Variants in SHISA9 observed in about 807,000 individuals in gnomAD.
SHISA9 encodes protein shisa-9.
Under a neutral mutation model 38.0 loss-of-function variants are expected in SHISA9, and 13 were observed. The ratio of observed to expected loss-of-function variants is 0.34; its 90% CI spans 0.22 to 0.54. SHISA9 has a LOEUF of 0.54. SHISA9 is among the 20% of genes least tolerant of loss of function. The probability of loss-of-function intolerance (pLI) is 0.91; values close to 1 mark genes in which losing one functional copy is unlikely to be tolerated. For synonymous variants in SHISA9, 275 were observed against 242.0 expected (o/e 1.14, Z -1.27); for missense variants, 538 against 575.8 (o/e 0.93, Z 0.67).
intron 2 of SHISA9, among the ~76,000 whole-genome samples, chr16:13,189,546 C>A (rs915500711): frequency 6.6e-6 from 1 of 152,134 alleles, no homozygotes; most frequent in African/African-American, 2.4e-5. Flanking sequence ...AAAGTTTTTA[C>A]GTGGTTAATG....
chr16:13,302,952 T>C, the SHISA9 span, among the ~76,000 whole-genome samples: 2 of 152,162 alleles, frequency 1.3e-5, no homozygotes, highest in Admixed American at 6.5e-5. Flanking sequence ...AAGACGTGTA[T>C]AATTATAAGT....
At chr16:13,180,856 C>T (rs1402685949) in intron 2 of SHISA9, among the ~76,000 whole-genome samples, 1 of 152,156 alleles carries the variant, frequency 6.6e-6, no homozygotes, top group Non-Finnish European at 1.5e-5. Context: ...GGGGGACAGT[C>T]TCCTTTCCAG....
chr16:12,977,477 A>G (rs1363482173), intron 2 of SHISA9, among the ~76,000 whole-genome samples: 3 of 152,200 alleles, frequency 2.0e-5, no homozygotes, highest in Admixed American at 6.5e-5. Flanking sequence ...TATATACCCA[A>G]AGGAATAGAA....
At chr16:13,107,011 G>A (rs2073932043) in intron 2 of SHISA9, among the ~76,000 whole-genome samples, 1 of 150,056 alleles carries the variant, frequency 6.7e-6, no homozygotes, top group Non-Finnish European at 1.5e-5. Context: ...TCTGCTTTGA[G>A]CTAGCTGAAG....
Position 13,178,596 on chromosome 16 carries a change from A to C in SHISA9, c.692-24798A>C, listed in dbSNP as rs557533615. Among the ~76,000 whole-genome samples, 206 of 152,218 alleles carry C rather than the reference A, an allele frequency of 1.4e-3. 1 individual carries two copies. Among genetic ancestry groups the C allele is most frequent in the Non-Finnish European group, 1.2e-3 (81 of 68,016 alleles). On this transcript the variant is annotated intron_variant, in intron 2 of 4. Transcript: ENST00000558583. The stretch of plus-strand genomic sequence containing the variant: ...AGTCATCTAGCTCCGAGATGCTGGG[A>C]GAGTCCTCCCCGTCCCCAGCAACAC...
the SHISA9 span, among the ~76,000 whole-genome samples, chr16:13,276,636 G>T: frequency 6.6e-6 from 1 of 152,016 alleles, no homozygotes; most frequent in African/African-American, 2.4e-5. Context: ...GTATCACACT[G>T]TGGTTTTGAT....
the SHISA9 span, among the ~76,000 whole-genome samples, chr16:13,449,173 A>G: frequency 6.6e-6 from 1 of 151,872 alleles, no homozygotes; most frequent in Non-Finnish European, 1.5e-5. Context: ...TGATTCCCTT[A>G]AAAAATAGAG....
chr16:13,516,131 C>T, the SHISA9 span, among the ~76,000 whole-genome samples: 20 of 152,316 alleles, frequency 1.3e-4, no homozygotes, highest in Admixed American at 3.9e-4. Flanking sequence ...GAGGAAGTGT[C>T]TCGTCCAAGC....
chr16:13,430,814 G>A, the SHISA9 span, among the ~76,000 whole-genome samples: 1 of 151,840 alleles, frequency 6.6e-6, no homozygotes, highest in Non-Finnish European at 1.5e-5. Flanking sequence ...AGCTACTTGG[G>A]AGGTCAAGGT....
At chr16:13,180,945 G>A (rs2050771625) in intron 2 of SHISA9, among the ~76,000 whole-genome samples, 1 of 152,208 alleles carries the variant, frequency 6.6e-6, no homozygotes, top group African/African-American at 2.4e-5. Context: ...CGTGCACTCA[G>A]TGTTAATTCA....
rs115280162 is a variant in SHISA9, at chr16:12,927,812, T to C, written c.691+10997T>C. ...CTGAACCACACCATGGAGGGAGTTA[T>C]CCAGTTCAAACCACCCAGCCAGAAA... On this transcript the variant is annotated intron_variant, in intron 2 of 4. Transcript: ENST00000558583. 5.2e-3 allele frequency among the ~76,000 whole-genome samples: 792 copies of C among 152,204 alleles called. 11 individuals are homozygous for C. Among genetic ancestry groups the C allele is most frequent in the African/African-American group, 0.018 (754 of 41,542 alleles).
chr16:12,955,306 C>T (rs1596548303), intron 2 of SHISA9, among the ~76,000 whole-genome samples: 1 of 152,022 alleles, frequency 6.6e-6, no homozygotes, highest in Non-Finnish European at 1.5e-5. Flanking sequence ...CCAAGTGACC[C>T]CTCCAACCAA....
In SHISA9 at chr16:13,106,511, C is replaced by T. The variant is rs2073926654; in HGVS notation, c.692-96883C>T. On this transcript the variant is annotated intron_variant, in intron 2 of 4. Coordinates refer to ENST00000558583, the MANE Select transcript of SHISA9 (RefSeq NM_001145204.3). ...ATGCATGTTTGGTGTTTGATGCATA[C>T]CAGATGTGGTACACATTTTTGTTTT... 2.0e-5 allele frequency among the ~76,000 whole-genome samples: 3 copies of T among 152,112 alleles called. No homozygotes were observed. The South Asian group carries it at 6.2e-4, about 32-fold the overall frequency.
At chr16:13,509,477 C>G in the SHISA9 span, among the ~76,000 whole-genome samples, 1 of 152,078 alleles carries the variant, frequency 6.6e-6, no homozygotes, top group East Asian at 1.9e-4. Context: ...GATAACAGTG[C>G]CTGCCTCACA....
the SHISA9 span, among the ~76,000 whole-genome samples, chr16:13,483,604 A>G: frequency 6.6e-6 from 1 of 151,570 alleles, no homozygotes; most frequent in Non-Finnish European, 1.5e-5. Flanking sequence ...AAGCTCGCTG[A>G]CTTTCCCCAG....
At chr16:13,435,322 C>T in the SHISA9 span, among the ~76,000 whole-genome samples, 1 of 151,994 alleles carries the variant, frequency 6.6e-6, no homozygotes, top group African/African-American at 2.4e-5. Context: ...GAACTCTCCC[C>T]ACAAGGAATC....
intron 2 of SHISA9, among the ~76,000 whole-genome samples, chr16:13,174,943 T>G (rs191259502): frequency 1.4e-4 from 22 of 152,334 alleles, no homozygotes; most frequent in Non-Finnish European, 4.4e-5. Context: ...GAGAGAAATT[T>G]ATGACTGGGT....
the SHISA9 span, among the ~76,000 whole-genome samples, chr16:13,466,795 G>T: frequency 2.0e-5 from 3 of 152,140 alleles, no homozygotes; most frequent in East Asian, 5.8e-4. Flanking sequence ...TTTAAGCATT[G>T]TTAATTTTAC....
chr16:13,384,019 T>C, the SHISA9 span, among the ~76,000 whole-genome samples: 1 of 152,188 alleles, frequency 6.6e-6, no homozygotes, highest in African/African-American at 2.4e-5. Context: ...TGCAGGTGTT[T>C]GCTATTTTTT....
Sources: allele counts gnomAD v4.1 joint callset (sites outside exome capture counted in the v4.1 genomes callset), GRCh38; gene constraint gnomAD v4.1.1; transcripts MANE v1.5; gene names NCBI Gene and HGNC (gene_info 2026-07-23, HGNC 2026-07-21).